The following SLC44A5 variants were observed in gnomAD, a reference collection of about 807,000 sequenced individuals.
SLC44A5 encodes the protein solute carrier family 44 member 5, also known as choline transporter-like protein 5.
Under a neutral mutation model 101.8 loss-of-function variants are expected in SLC44A5, and 57 were observed. The observed-to-expected ratio is 0.56, with a 90% CI of 0.45 to 0.70. The LOEUF is 0.70. SLC44A5 is among the 30% of genes least tolerant of loss of function. The pLI, the probability that SLC44A5 is intolerant of heterozygous loss-of-function variation, is 0.00. For missense variants in SLC44A5, 737 were observed against 853.1 expected (o/e 0.86, Z 1.70); for synonymous variants, 281 against 290.9 (o/e 0.97, Z 0.35).
At chr1:75,708,417 A>G in the SLC44A5 span, among the ~76,000 whole-genome samples, 1 of 146,886 alleles carries the variant, frequency 6.8e-6, no homozygotes, top group Non-Finnish European at 1.5e-5. Flanking sequence ...CCGTCTCAAA[A>G]AAAAAAAAAA....
intron 9 of SLC44A5, among the ~76,000 whole-genome samples, chr1:75,241,291 A>C (rs191529111): frequency 6.6e-6 from 1 of 152,030 alleles, no homozygotes; most frequent in East Asian, 1.9e-4. Context: ...TGGTACAATC[A>C]TAGCTAACTA....
At chr1:75,475,711 GA>G (rs1667349972) in intron 2 of SLC44A5, among the ~76,000 whole-genome samples, 1 of 152,204 alleles carries the variant, frequency 6.6e-6, no homozygotes, top group African/African-American at 2.4e-5. Flanking sequence ...TTAGGGCTCA[GA>G]ATATCTCAGC....
intron 1 of SLC44A5, among the ~76,000 whole-genome samples, chr1:75,559,278 A>G (rs1672388869): frequency 6.6e-6 from 1 of 152,046 alleles, no homozygotes; most frequent in Non-Finnish European, 1.5e-5. Context: ...AAGAAGCAGA[A>G]CTGGAATAGG....
the SLC44A5 span, among the ~76,000 whole-genome samples, chr1:75,660,964 T>C: frequency 6.6e-6 from 1 of 152,014 alleles, no homozygotes; most frequent in African/African-American, 2.4e-5. Context: ...CCAATGACAT[T>C]CTCCACAGAA....
chr1:75,721,255 T>G, the SLC44A5 span, among the ~76,000 whole-genome samples: 1 of 152,160 alleles, frequency 6.6e-6, no homozygotes, highest in East Asian at 1.9e-4. Flanking sequence ...GGGGGGAATT[T>G]AGAATTTTGT....
chr1:75,618,794 G>T, the SLC44A5 span, among the ~76,000 whole-genome samples: 1 of 152,126 alleles, frequency 6.6e-6, no homozygotes, highest in African/African-American at 2.4e-5. Context: ...TAAAAGGCTG[G>T]GCATGGTGGC....
intron 4 of SLC44A5, among the ~76,000 whole-genome samples, chr1:75,313,633 G>A (rs1341500611): frequency 2.0e-5 from 3 of 152,104 alleles, no homozygotes; most frequent in Admixed American, 6.6e-5. Context: ...TTGTTTCTAG[G>A]TCTTGTCAAC....
At chr1:75,557,341 T>A (rs540941369) in intron 1 of SLC44A5, among the ~76,000 whole-genome samples, 29 of 152,172 alleles carry the variant, frequency 1.9e-4, no homozygotes, top group African/African-American at 7.0e-4. Context: ...CTTTTTAGAG[T>A]AGCATTATTT....
chr1:75,585,427 C>T (rs1231151869), intron 1 of SLC44A5, among the ~76,000 whole-genome samples: 1 of 152,162 alleles, frequency 6.6e-6, no homozygotes, highest in Non-Finnish European at 1.5e-5. Context: ...CTCGAAGCCT[C>T]AATATTCATG....
chr1:75,566,589 C>A (rs1223090075), intron 1 of SLC44A5, among the ~76,000 whole-genome samples: 2 of 152,150 alleles, frequency 1.3e-5, no homozygotes, highest in South Asian at 4.1e-4. Flanking sequence ...AAAAATCACT[C>A]TCAAACATGT....
the SLC44A5 span, among the ~76,000 whole-genome samples, chr1:75,676,526 C>A: frequency 6.6e-6 from 1 of 152,096 alleles, no homozygotes; most frequent in Non-Finnish European, 1.5e-5. Flanking sequence ...GAGAATAACA[C>A]ACACTGGGGC....
intron 9 of SLC44A5, among the ~76,000 whole-genome samples, chr1:75,239,005 G>A (rs1345401661): frequency 6.6e-6 from 1 of 152,066 alleles, no homozygotes; most frequent in Non-Finnish European, 1.5e-5. Context: ...GATGAGTTTA[G>A]TTTTACTATT....
intron 4 of SLC44A5, among the ~76,000 whole-genome samples, chr1:75,323,403 C>T (rs1007634445): frequency 5.9e-5 from 9 of 152,028 alleles, no homozygotes; most frequent in South Asian, 2.1e-4. Flanking sequence ...AATAAACATA[C>T]GTGTGCATGT....
intron 3 of SLC44A5, among the ~76,000 whole-genome samples, chr1:75,358,611 AT>A (rs1350356814): frequency 6.6e-6 from 1 of 152,150 alleles, no homozygotes; most frequent in Non-Finnish European, 1.5e-5. Context: ...CCTTTAGCAA[AT>A]TTCAAATATA....
the SLC44A5 span, among the ~76,000 whole-genome samples, chr1:75,696,571 G>A: frequency 2.0e-5 from 3 of 152,174 alleles, no homozygotes; most frequent in African/African-American, 4.8e-5. Flanking sequence ...CAGCCAAGAG[G>A]TGGGAAATAT....
chr1:75,258,311 C>T (rs1217065578), intron 6 of SLC44A5, among the ~76,000 whole-genome samples: 1 of 152,116 alleles, frequency 6.6e-6, no homozygotes, highest in African/African-American at 2.4e-5. Context: ...TCACTTTGAG[C>T]ACAGCAGTCT....
chr1:75,612,491 C>T (rs1456565151), upstream of SLC44A5, among the ~76,000 whole-genome samples: 1 of 152,136 alleles, frequency 6.6e-6, no homozygotes, highest in South Asian at 2.1e-4. Flanking sequence ...ACTTGTTTCC[C>T]GACACAAATG....
intron 4 of SLC44A5, among the ~76,000 whole-genome samples, chr1:75,325,538 A>C (rs1296182975): frequency 2.0e-5 from 3 of 152,148 alleles, no homozygotes; most frequent in Non-Finnish European, 4.4e-5. Context: ...GAAAATTGGC[A>C]AGTACAGTAT....
At position 75,392,558 on chromosome 1, in the gene SLC44A5, T is replaced by C. The variant is rs368637054; in HGVS notation, c.52+4025A>G. Among the ~76,000 whole-genome samples, 3 of 152,172 alleles carry C rather than the reference T, an allele frequency of 2.0e-5. No homozygotes were observed. The East Asian group carries it at 5.8e-4, about 29-fold the overall frequency. ...GAACTCTTTATGCTGTTGGTAGGAA[T>C]GTAAATGAGTTCAGTCACTGTGGAA... On this transcript the variant is annotated intron_variant, in intron 3 of 23. Coordinates refer to ENST00000370859, the MANE Select transcript of SLC44A5 (RefSeq NM_001130058.2).
Sources: gnomAD v4.1 joint callset for allele counts (sites outside exome capture counted in the v4.1 genomes callset) on GRCh38, gnomAD v4.1.1 for gene constraint, MANE v1.5 for transcripts, NCBI Gene and HGNC (gene_info 2026-07-23, HGNC 2026-07-21) for gene names.